Variants in ODAD2 observed in about 807,000 individuals in gnomAD.
ODAD2 encodes outer dynein arm-docking complex subunit 2.
A neutral mutation model predicts 106.8 loss-of-function variants in ODAD2; 89 were observed. The observed-to-expected ratio is 0.83, with a 90% confidence interval of 0.70 to 0.99. ODAD2 has a LOEUF of 0.99. ODAD2 is among the 50% of genes least tolerant of loss of function. The probability of loss-of-function intolerance (pLI) is 0.00; values close to 1 mark genes in which losing one functional copy is unlikely to be tolerated. For missense variants in ODAD2, 1,168 were observed against 1,238.5 expected (o/e 0.94, Z 0.85); for synonymous variants, 404 against 436.2 (o/e 0.93, Z 0.92).
chr10:27,958,975 A>G, intron 10 of ODAD2: 1 of 1,303,634 alleles, frequency 7.7e-7, no homozygotes, highest in East Asian at 5.6e-5. Flanking sequence ...TCCTTTTGCT[A>G]ATGAAATAAA....
chr10:27,833,401 T>C (rs545138294), intron 19 of ODAD2, among the ~76,000 whole-genome samples: 10 of 152,050 alleles, frequency 6.6e-5, no homozygotes, highest in Admixed American at 3.9e-4. Context: ...AGGAGGAAAA[T>C]TAAACTTCTC....
chr10:27,832,393 A>C (rs1837543334), intron 19 of ODAD2, among the ~76,000 whole-genome samples: 1 of 152,186 alleles, frequency 6.6e-6, no homozygotes, highest in South Asian at 2.1e-4. Context: ...TCCTAGTGCC[A>C]ACCCTAGAAG....
chr10:27,876,401 C>G (rs1416751219), intron 17 of ODAD2, among the ~76,000 whole-genome samples: 1 of 152,214 alleles, frequency 6.6e-6, no homozygotes, highest in Non-Finnish European at 1.5e-5. Context: ...ATTCACTGTT[C>G]TGCAGCCTCC....
chr10:27,948,519 T>C (rs1847097184), intron 10 of ODAD2, among the ~76,000 whole-genome samples: 2 of 152,176 alleles, frequency 1.3e-5, no homozygotes, highest in African/African-American at 4.8e-5. Flanking sequence ...ACCATGCAAA[T>C]ACACTCCTTT....
At chr10:27,885,529 A>ATAT (rs1564465124) in intron 17 of ODAD2, among the ~76,000 whole-genome samples, 5 of 16,040 alleles carry the variant, frequency 3.1e-4, no homozygotes, top group African/African-American at 1.2e-3. Context: ...AAAAAAAAAA[A>ATAT]AAAAATATAT....
intron 16 of ODAD2, among the ~76,000 whole-genome samples, chr10:27,914,364 T>C (rs1844218696): frequency 6.6e-6 from 1 of 152,108 alleles, no homozygotes; most frequent in South Asian, 2.1e-4. Context: ...ATATTATGTC[T>C]CCCTGAGAAA....
chr10:27,835,567 C>T (rs538723178), intron 19 of ODAD2, among the ~76,000 whole-genome samples: 3 of 152,182 alleles, frequency 2.0e-5, no homozygotes, highest in Admixed American at 6.5e-5. Flanking sequence ...TGCCCCCAAT[C>T]TTAAGGACTG....
chr10:27,821,523 C>A (rs754840032), intron 19 of ODAD2, among the ~76,000 whole-genome samples: 1 of 152,174 alleles, frequency 6.6e-6, no homozygotes, highest in African/African-American at 2.4e-5. Context: ...AACTAAGGCA[C>A]TAGTTTCTTT....
intron 17 of ODAD2, among the ~76,000 whole-genome samples, chr10:27,881,703 T>A (rs565654651): frequency 6.6e-6 from 1 of 152,312 alleles, no homozygotes; most frequent in South Asian, 2.1e-4. Flanking sequence ...AATAATTCTA[T>A]GTTTATATAA....
chr10:27,839,454 G>A (rs1416981987), intron 19 of ODAD2, among the ~76,000 whole-genome samples: 2 of 152,174 alleles, frequency 1.3e-5, no homozygotes, highest in African/African-American at 4.8e-5. Flanking sequence ...GTGTTCACCT[G>A]TTGCTATGAA....
intron 16 of ODAD2, among the ~76,000 whole-genome samples, chr10:27,924,692 C>T (rs1249926024): frequency 9.5e-6 from 1 of 105,274 alleles, no homozygotes; most frequent in South Asian, 2.8e-4. Flanking sequence ...GAAAAAATAA[C>T]CATTGAACCA....
intron 10 of ODAD2, among the ~76,000 whole-genome samples, chr10:27,945,815 A>G (rs1436838292): frequency 6.6e-6 from 1 of 152,014 alleles, no homozygotes; most frequent in Non-Finnish European, 1.5e-5. Flanking sequence ...CAGCTGGCTG[A>G]TAAGAGTTCT....
chr10:27,980,378 T>C (rs761314852), intron 7 of ODAD2, among the ~76,000 whole-genome samples: 10 of 152,118 alleles, frequency 6.6e-5, no homozygotes, highest in Non-Finnish European at 1.3e-4. Flanking sequence ...CAAAGGACAC[T>C]ATCAAGAAAG....
intron 16 of ODAD2, among the ~76,000 whole-genome samples, chr10:27,924,826 A>C (rs1178490227): frequency 6.6e-6 from 1 of 151,468 alleles, no homozygotes; most frequent in Admixed American, 6.6e-5. Context: ...TCAGTAGAAT[A>C]AAAAACATAA....
chr10:27,851,021 C>G (rs1045387054), intron 19 of ODAD2, among the ~76,000 whole-genome samples: 1 of 152,048 alleles, frequency 6.6e-6, no homozygotes, highest in Non-Finnish European at 1.5e-5. Context: ...CTGGGGTCTG[C>G]GGAAGGTGCC....
chr10:27,963,817 T>C (rs1250984581), intron 9 of ODAD2, among the ~76,000 whole-genome samples: 2 of 150,858 alleles, frequency 1.3e-5, no homozygotes, highest in East Asian at 3.9e-4. Context: ...TAGACCCCCA[T>C]GCATTTGGCC....
At chr10:27,879,042 G>A (rs920650855) in intron 17 of ODAD2, among the ~76,000 whole-genome samples, 8 of 152,092 alleles carry the variant, frequency 5.3e-5, no homozygotes, top group Admixed American at 1.3e-4. Context: ...AATGCATTAC[G>A]TGTTGAGGGT....
At chr10:27,814,909 T>C (rs1168889838) in intron 19 of ODAD2, among the ~76,000 whole-genome samples, 2 of 152,232 alleles carry the variant, frequency 1.3e-5, no homozygotes, top group Non-Finnish European at 2.9e-5. Flanking sequence ...CAACCTCAAC[T>C]GGATTCTCAT....
chr10:27,828,194 T>C (rs1216702727), intron 19 of ODAD2, among the ~76,000 whole-genome samples: 2 of 152,118 alleles, frequency 1.3e-5, no homozygotes, highest in African/African-American at 2.4e-5. Context: ...AAGGCAAAAG[T>C]CAGAAGACAG....
Sources: allele counts gnomAD v4.1 joint callset (sites outside exome capture counted in the v4.1 genomes callset), GRCh38; gene constraint gnomAD v4.1.1; transcripts MANE v1.5; gene names NCBI Gene and HGNC (gene_info 2026-07-23, HGNC 2026-07-21).